DLGAP2: variants seen among roughly 807,000 people sequenced by gnomAD.
DLGAP2 encodes DLG associated protein 2, also known as disks large-associated protein 2.
In DLGAP2, 26 loss-of-function variants were observed where a neutral mutation model predicts 100.3. The observed-to-expected ratio is 0.26, with a 90% CI of 0.19 to 0.36. The LOEUF is 0.36. DLGAP2 is among the 10% of genes least tolerant of loss of function. DLGAP2 has a pLI of 1.00. For synonymous variants in DLGAP2, 886 were observed against 630.1 expected (o/e 1.41, Z -6.08); for missense variants, 1,858 against 1,453.2 (o/e 1.28, Z -4.53).
rs183181112 is a variant in DLGAP2, at chr8:1,624,116, C to G, written c.1443-2624C>G. Among the ~76,000 whole-genome samples, 317 of 152,284 alleles carry G rather than the reference C, an allele frequency of 2.1e-3. 1 individual carries two copies. Among genetic ancestry groups the G allele is most frequent in the African/African-American group, 7.0e-3 (289 of 41,560 alleles). On this transcript the variant is annotated intron_variant, in intron 6 of 14. Transcript: ENST00000637795. ...CCAGATCCAGAGGACGAGAATCCTT[C>G]TTTTATGTTTTCTCAGTCTAGAAGG...
chr8:1,181,671 A>T (rs960366003), intron 2 of DLGAP2, among the ~76,000 whole-genome samples: 5 of 152,156 alleles, frequency 3.3e-5, no homozygotes, highest in South Asian at 2.1e-4. Context: ...CTGCCCATTT[A>T]CCCCTGAACT....
chr8:800,304 G>A (rs1408129623), intron 1 of DLGAP2, among the ~76,000 whole-genome samples: 1 of 152,232 alleles, frequency 6.6e-6, no homozygotes, highest in African/African-American at 2.4e-5. Flanking sequence ...AGATTAGAGG[G>A]CAAATGCTGG....
Position 1,380,785 on chromosome 8 carries a change from A to T in DLGAP2, c.107-120581A>T, listed in dbSNP as rs1796073801. ...ACACAGGGATAGCTATTTCGAAAAAAGTGACATTGAACTCACAATACCTTA... is the reference window on the plus strand; with the variant it reads ...ACACAGGGATAGCTATTTCGAAAAATGTGACATTGAACTCACAATACCTTA... On this transcript the variant is annotated intron_variant, in intron 3 of 14. Coordinates refer to ENST00000637795, the MANE Select transcript of DLGAP2 (RefSeq NM_001346810.2). 2.0e-5 allele frequency among the ~76,000 whole-genome samples: 3 copies of T among 152,102 alleles called. No individual in the cohort carries two copies. In the South Asian group the frequency reaches 6.2e-4, roughly 32 times the overall value.
At chr8:1,644,857 A>G (rs1466281695) in intron 8 of DLGAP2, among the ~76,000 whole-genome samples, 2 of 152,242 alleles carry the variant, frequency 1.3e-5, no homozygotes, top group Non-Finnish European at 2.9e-5. Flanking sequence ...AAAACAAATT[A>G]TTTAGATTCA....
intron 12 of DLGAP2, among the ~76,000 whole-genome samples, chr8:1,687,140 T>C (rs1158850806): frequency 6.6e-6 from 1 of 152,182 alleles, no homozygotes; most frequent in Non-Finnish European, 1.5e-5. Context: ...TCTCAGGGGA[T>C]CACAGGGGTT....
intron 2 of DLGAP2, among the ~76,000 whole-genome samples, chr8:989,506 C>T (rs1800592693): frequency 6.6e-6 from 1 of 152,110 alleles, no homozygotes; most frequent in Non-Finnish European, 1.5e-5. Flanking sequence ...GACGGAAATA[C>T]CAGGATGCAA....
At chr8:1,308,041 A>G (rs1344495593) in intron 3 of DLGAP2, among the ~76,000 whole-genome samples, 1 of 152,204 alleles carries the variant, frequency 6.6e-6, no homozygotes, top group African/African-American at 2.4e-5. Flanking sequence ...GAACCCATGT[A>G]CATGGGGGAA....
intron 1 of DLGAP2, among the ~76,000 whole-genome samples, chr8:906,466 A>C (rs1798382961): frequency 6.6e-6 from 1 of 152,190 alleles, no homozygotes; most frequent in African/African-American, 2.4e-5. Context: ...GTGAATGGGC[A>C]TGGCTGTGGA....
chr8:1,493,820 G>A (rs534857878), intron 3 of DLGAP2, among the ~76,000 whole-genome samples: 15 of 152,314 alleles, frequency 9.8e-5, no homozygotes, highest in African/African-American at 2.9e-4. Context: ...GGGTGGACGC[G>A]GCACGACCCT....
intron 3 of DLGAP2, among the ~76,000 whole-genome samples, chr8:1,274,085 C>A (rs1003915352): frequency 6.6e-6 from 1 of 152,070 alleles, no homozygotes; most frequent in South Asian, 2.1e-4. Flanking sequence ...CTCTGTTCAG[C>A]ATATCGGAAT....
intron 5 of DLGAP2, among the ~76,000 whole-genome samples, chr8:1,554,256 C>T (rs1801879798): frequency 6.6e-6 from 1 of 152,016 alleles, no homozygotes; most frequent in Non-Finnish European, 1.5e-5. Context: ...CCACTGCACT[C>T]CAGCCTGGGT....
At chr8:1,343,771 G>A (rs1047845857) in intron 3 of DLGAP2, among the ~76,000 whole-genome samples, 1 of 152,126 alleles carries the variant, frequency 6.6e-6, no homozygotes, top group East Asian at 1.9e-4. Context: ...CAAGAGGCGG[G>A]GGCAGTGCTG....
At chr8:1,155,903 C>T (rs1345437936) in intron 2 of DLGAP2, among the ~76,000 whole-genome samples, 1 of 152,110 alleles carries the variant, frequency 6.6e-6, no homozygotes, top group Non-Finnish European at 1.5e-5. Flanking sequence ...CGGGGGAGGC[C>T]AGTATGCAGA....
rs780257183 is a variant in DLGAP2, at chr8:1,570,353, G to A, written c.1442+4459G>A. On this transcript the variant is annotated intron_variant, in intron 6 of 14. Transcript: ENST00000637795. ...TCGTCTCTGCATCCTGTTCCATTAC[G>A]CACAGCCCTTTCATAATGTTCACTC... 3.3e-5 allele frequency among the ~76,000 whole-genome samples: 5 copies of A among 152,204 alleles called. No individual in the cohort carries two copies. The East Asian group carries it at 7.7e-4, about 23-fold the overall frequency.
At chr8:1,463,203 C>G (rs1798509679) in intron 3 of DLGAP2, among the ~76,000 whole-genome samples, 1 of 152,142 alleles carries the variant, frequency 6.6e-6, no homozygotes, top group African/African-American at 2.4e-5. Context: ...GAGCTGAGAT[C>G]ATGCCATTGC....
At chr8:1,267,618 T>TC (rs1799490591) in intron 3 of DLGAP2, among the ~76,000 whole-genome samples, 2 of 78,034 alleles carry the variant, frequency 2.6e-5, no homozygotes, top group Non-Finnish European at 5.0e-5. Flanking sequence ...TAAGATAAGA[T>TC]AAGATAAATA....
chr8:1,357,010 A>C (rs1801869468), intron 3 of DLGAP2, among the ~76,000 whole-genome samples: 1 of 151,324 alleles, frequency 6.6e-6, no homozygotes, highest in African/African-American at 2.4e-5. Flanking sequence ...GGTAGGGCTC[A>C]GAGCTCAGAA....
chr8:895,289 C>A (rs1214602579), intron 1 of DLGAP2, among the ~76,000 whole-genome samples: 1 of 152,082 alleles, frequency 6.6e-6, no homozygotes, highest in Admixed American at 6.5e-5. Flanking sequence ...TAAGTATACA[C>A]AGTCATTATA....
At chr8:956,770 A>T (rs986274967) in intron 2 of DLGAP2, among the ~76,000 whole-genome samples, 1 of 152,212 alleles carries the variant, frequency 6.6e-6, no homozygotes, top group African/African-American at 2.4e-5. Flanking sequence ...ACCATGATTC[A>T]GGGTTTATTT....
Sources: allele counts gnomAD v4.1 joint callset (sites outside exome capture counted in the v4.1 genomes callset), GRCh38; gene constraint gnomAD v4.1.1; transcripts MANE v1.5; gene names NCBI Gene and HGNC (gene_info 2026-07-23, HGNC 2026-07-21).